Variants in B3GLCT observed in about 807,000 individuals in gnomAD.
The protein encoded by B3GLCT is beta-1,3-glucosyltransferase.
Under a neutral mutation model 63.4 loss-of-function variants are expected in B3GLCT, and 65 were observed. The observed-to-expected ratio is 1.03, with a 90% confidence interval of 0.84 to 1.26. B3GLCT has a LOEUF of 1.26. Ranked by LOEUF, B3GLCT falls within the 50% of genes most tolerant of loss-of-function variation. The pLI is 0.00. For missense variants in B3GLCT, 577 were observed against 604.8 expected, an observed-to-expected ratio of 0.95 and a Z score of 0.48; for synonymous variants, 233 against 219.2, an observed-to-expected ratio of 1.06 and a Z score of -0.55.
intron 1 of B3GLCT, among the ~76,000 whole-genome samples, chr13:31,209,627 C>G (rs573141015): frequency 6.6e-5 from 10 of 152,296 alleles, no homozygotes; most frequent in African/African-American, 2.4e-4. Context: ...GGGTTTTATG[C>G]TCTCCTGGCT....
chr13:31,272,973 T>C (rs1872635098), intron 8 of B3GLCT, among the ~76,000 whole-genome samples: 1 of 152,236 alleles, frequency 6.6e-6, no homozygotes, highest in Admixed American at 6.5e-5. Flanking sequence ...CAATATTTTT[T>C]CTTTAACAAT....
Position 31,212,297 on chromosome 13 carries a change from C to T in B3GLCT, c.71-2754C>T, listed in dbSNP as rs1297389451. ...TTTTTTTTTTTTTTTTTTTTTAAGA[C>T]GGAGTCTTGCTCTGTCGCCCAGGCT... On this transcript the variant is annotated intron_variant, in intron 1 of 14. Transcript: ENST00000343307. Among the ~76,000 whole-genome samples the T allele has an allele frequency of 6.7e-5, 8 of 120,284 alleles. No individual in the cohort carries two copies. The Admixed American group carries it at 7.0e-4, about 11-fold the overall frequency. The allele number at this position is 120,284 out of a possible 152,430, so 78.9% of individuals were successfully genotyped here. A position where few individuals can be genotyped will look rare whatever the true frequency, so the allele number is the denominator to read the frequency against.
intron 4 of B3GLCT, among the ~76,000 whole-genome samples, chr13:31,240,697 C>T (rs1349469190): frequency 6.6e-6 from 1 of 151,984 alleles, no homozygotes; most frequent in Admixed American, 6.6e-5. Context: ...CTTTTTGATG[C>T]TGTATATCAT....
intron 12 of B3GLCT, among the ~76,000 whole-genome samples, chr13:31,298,760 A>G (rs927829594): frequency 6.6e-6 from 1 of 152,210 alleles, no homozygotes; most frequent in Admixed American, 6.5e-5. Flanking sequence ...CAGATAGGGT[A>G]AAGTTATGTA....
intron 10 of B3GLCT, among the ~76,000 whole-genome samples, chr13:31,282,514 C>T (rs866118321): frequency 6.6e-5 from 10 of 151,858 alleles, no homozygotes; most frequent in Non-Finnish European, 1.0e-4. Context: ...TGGTGGCGGG[C>T]GCCTGTAGTC....
chr13:31,325,571 G>C (rs1287393085), intron 14 of B3GLCT, among the ~76,000 whole-genome samples: 2 of 152,054 alleles, frequency 1.3e-5, no homozygotes, highest in Non-Finnish European at 2.9e-5. Flanking sequence ...TAAAAATAAG[G>C]TTGTTGTTTC....
intron 1 of B3GLCT, among the ~76,000 whole-genome samples, 173 bp downstream of exon 1, chr13:31,200,327 C>G (rs1429910141): frequency 6.7e-6 from 1 of 148,494 alleles, no homozygotes; most frequent in South Asian, 2.1e-4. Context: ...AGCGCCCTCT[C>G]GCGGCGCCCA....
intron 1 of B3GLCT, among the ~76,000 whole-genome samples, chr13:31,205,594 G>T (rs564274037): frequency 9.3e-4 from 142 of 152,108 alleles, no homozygotes; most frequent in Non-Finnish European, 1.4e-3. Flanking sequence ...TGGCTATATT[G>T]CCCAGGCTGG....
At chr13:31,230,783 G>A (rs1870338945) in intron 4 of B3GLCT, among the ~76,000 whole-genome samples, 2 of 152,146 alleles carry the variant, frequency 1.3e-5, no homozygotes, top group African/African-American at 2.4e-5. Context: ...GCCGAGGTGG[G>A]TGGATCATGA....
At chr13:31,321,000 A>G (rs572548250) in intron 13 of B3GLCT, among the ~76,000 whole-genome samples, 1 of 152,360 alleles carries the variant, frequency 6.6e-6, no homozygotes, top group Non-Finnish European at 1.5e-5. Context: ...GCAAACCATT[A>G]TCATTTAATT....
intron 4 of B3GLCT, among the ~76,000 whole-genome samples, chr13:31,234,987 T>C: frequency 6.6e-6 from 1 of 152,042 alleles, no homozygotes; most frequent in Non-Finnish European, 1.5e-5. Context: ...GTGGGACTAG[T>C]CTTGGGCCAT....
intron 1 of B3GLCT, among the ~76,000 whole-genome samples, chr13:31,210,196 G>T (rs1490598809): frequency 2.0e-5 from 3 of 152,166 alleles, no homozygotes; most frequent in African/African-American, 7.2e-5. Context: ...TCTATTGCCT[G>T]CCCTGATTTG....
intron 14 of B3GLCT, among the ~76,000 whole-genome samples, chr13:31,327,038 A>AAT: frequency 1.3e-5 from 2 of 152,294 alleles, no homozygotes; most frequent in Middle Eastern, 6.8e-3. Flanking sequence ...TTGCTTTTAC[A>AAT]GTAGTCCTTC....
rs746712153 is a variant in B3GLCT at position 31,323,702 on chromosome 13, G to A, written c.1185-49G>A. On this transcript the variant is annotated intron_variant, in intron 13 of 14. Transcript: ENST00000343307. ...CCCGGGGCCCATTTGTGCAGCAGCG[G>A]TGTCTGTGGAGCTTCTCTAACCCCT... 24 of 1,611,010 alleles carry A rather than the reference G, an allele frequency of 1.5e-5. 1 individual carries two copies. The South Asian group carries it at 2.5e-4, about 17-fold the overall frequency.
At chr13:31,282,649 C>CA (rs11333268) in intron 10 of B3GLCT, among the ~76,000 whole-genome samples, 87,006 of 129,954 alleles carry the variant, frequency 0.67, 30,164 homozygotes, top group Middle Eastern at 0.8. Flanking sequence ...GACTCTGTCT[C>CA]AAAAAAAAAA....
intron 1 of B3GLCT, among the ~76,000 whole-genome samples, chr13:31,206,396 A>G (rs1007358113): frequency 1.3e-5 from 2 of 152,114 alleles, no homozygotes; most frequent in Non-Finnish European, 2.9e-5. Flanking sequence ...ATAGGCCCGG[A>G]TATAAACTAG....
At chr13:31,210,286 A>C (rs1869188321) in intron 1 of B3GLCT, among the ~76,000 whole-genome samples, 1 of 152,238 alleles carries the variant, frequency 6.6e-6, no homozygotes, top group Admixed American at 6.5e-5. Flanking sequence ...TTTAAACAGC[A>C]GTTTGGCATG....
intron 10 of B3GLCT, among the ~76,000 whole-genome samples, chr13:31,282,631 G>C (rs1300377019): frequency 1.5e-5 from 2 of 134,382 alleles, no homozygotes; most frequent in Admixed American, 8.2e-5. Context: ...AACAGAGCGA[G>C]AGAGTGAGAC....
intron 4 of B3GLCT, among the ~76,000 whole-genome samples, chr13:31,233,797 G>A (rs1212933160): frequency 6.6e-6 from 1 of 152,128 alleles, no homozygotes; most frequent in Non-Finnish European, 1.5e-5. Flanking sequence ...GGGACAAATC[G>A]ATGTCTCTGC....
Sources: allele counts gnomAD v4.1 joint callset (sites outside exome capture counted in the v4.1 genomes callset), GRCh38; gene constraint gnomAD v4.1.1; transcripts MANE v1.5; gene names NCBI Gene and HGNC (gene_info 2026-07-23, HGNC 2026-07-21).